KLK13: variants seen among roughly 807,000 people sequenced by gnomAD.
The protein encoded by KLK13 is kallikrein related peptidase 13, also known as kallikrein-13.
A neutral mutation model predicts 22.4 loss-of-function variants in KLK13; 19 were observed. The ratio of observed to expected loss-of-function variants is 0.85; its 90% CI spans 0.59 to 1.24. The LOEUF is 1.24. Among genes scored for constraint, KLK13 ranks in the 50% most tolerant of loss-of-function variants. The pLI is 0.00. For missense variants in KLK13, 311 were observed against 347.9 expected (o/e 0.89, Z 0.84); for synonymous variants, 156 against 141.8 (o/e 1.10, Z -0.71).
chr19:51,058,744 G>C (rs192688056), intron 3 of KLK13, 70 bp from the exon 4 acceptor site: 2 of 1,455,732 alleles, frequency 1.4e-6, no homozygotes, highest in Admixed American at 3.4e-5. Context: ...TGAAATAGGC[G>C]AGTTGAATGG....
chr19:51,065,023 C>G lies in KLK13; in HGVS notation c.45G>C (p.Leu15Phe). 1 of 1,550,574 alleles carries G rather than the reference C, an allele frequency of 6.4e-7. No individual in the cohort carries two copies. The highest frequency in any genetic ancestry group is 8.7e-7 in the Non-Finnish European group (1 of 1,146,354). The change falls in exon 1 of 5, where the codon TTG (leucine) becomes TTC (phenylalanine). Residue 15 changes from leucine (L) to phenylalanine (F), a missense_variant. Leu to Phe is a conservative substitution (Grantham distance 22, BLOSUM62 0). Coordinates refer to ENST00000595793, the MANE Select transcript of KLK13 (RefSeq NM_015596.3). Reference protein sequence around the residue: ...ALVIASLTLALSGGVSQESSK... With the variant: ...ALVIASLTLAFSGGVSQESSK... ...ACCCCCGCGCATTCTTACCTCCTGA[C>G]AAGGCCAAGGTCAGGGAGGCGATCA...
intron 3 of KLK13, 161 bp downstream of exon 3, chr19:51,059,664 A>T: frequency 2.6e-6 from 1 of 385,260 alleles, no homozygotes; most frequent in Non-Finnish European, 4.3e-6. Flanking sequence ...TCATGAATTT[A>T]TATTTATATA....
At chr19:51,060,806 G>T (rs1165303187) in intron 1 of KLK13, among the ~76,000 whole-genome samples, 187 bp from the exon 2 acceptor site, 2 of 152,146 alleles carry the variant, frequency 1.3e-5, no homozygotes, top group African/African-American at 4.8e-5. Context: ...GCAAAGGGGT[G>T]ACATTATTTT....
upstream of KLK13, among the ~76,000 whole-genome samples, chr19:51,065,675 T>A (rs1163460642): frequency 6.6e-6 from 1 of 151,132 alleles, no homozygotes; most frequent in Non-Finnish European, 1.5e-5. Flanking sequence ...AGCCGCCAGC[T>A]GTCTAGAACT....
chr19:51,060,079 T>C lies in KLK13; in HGVS notation c.254A>G (p.Tyr85Cys). ...AHCLKEGLKVYLGKHALGRVE... is the reference protein window; with the variant it reads ...AHCLKEGLKVCLGKHALGRVE... ...ACGCCCTAGGGCGTGCTTGCCTAGG[T>C]AAACTTTGAGCCCCCTGTGGGTGCA... The change falls in exon 3 of 5, where the codon TAC becomes TGC. Residue 85 changes from tyrosine to cysteine, a missense_variant. Transcript: ENST00000595793. 1 of 1,613,194 alleles carries C rather than the reference T, an allele frequency of 6.2e-7. No individual in the cohort carries two copies. The highest frequency in any genetic ancestry group is 8.5e-7 in the Non-Finnish European group (1 of 1,179,642).
chr19:51,063,278 G>A (rs2091746768), intron 1 of KLK13, among the ~76,000 whole-genome samples: 1 of 152,026 alleles, frequency 6.6e-6, no homozygotes, highest in African/African-American at 2.4e-5. Context: ...TCATTGTGCA[G>A]GATTTATTTC....
chr19:51,064,939 C>T (rs2122722198), intron 1 of KLK13, 77 bp downstream of exon 1: 2 of 1,267,970 alleles, frequency 1.6e-6, no homozygotes, highest in Non-Finnish European at 1.1e-6. Flanking sequence ...GGCTCCCACG[C>T]CCCCTCCCCC....
Position 51,056,430 on chromosome 19 carries a change from G to T in KLK13, c.*157C>A, listed in dbSNP as rs761574722. On this transcript the variant is annotated 3_prime_UTR_variant, in exon 5 of 5. Coordinates refer to ENST00000595793, the MANE Select transcript of KLK13 (RefSeq NM_015596.3). ...ACTGCAAGCCTGGCAGTGCCTGAAT[G>T]CTTCTGAAACATGGAATGTTAGCTG... 1.3e-6 allele frequency: 1 copy of T among 790,616 alleles called. No individual in the cohort carries two copies. Among genetic ancestry groups the T allele is most frequent in the Non-Finnish European group, 2.1e-6 (1 of 481,218 alleles). 49.0% of individuals were successfully genotyped at this position (790,616 alleles called of 1,614,324 possible).
chr19:51,063,501 C>T, intron 1 of KLK13: 1 of 361,392 alleles, frequency 2.8e-6, no homozygotes, highest in Non-Finnish European at 5.5e-6. Flanking sequence ...ACTCAGGCAT[C>T]GCCGGTGTCA....
rs775637429 is a variant in KLK13, at chr19:51,060,636, A to G, written c.53-17T>C. On this transcript the variant is annotated splice_polypyrimidine_tract_variant and intron_variant, in intron 1 of 4. Coordinates refer to ENST00000595793, the MANE Select transcript of KLK13 (RefSeq NM_015596.3). ...GGGAGACACCTGGTAAAGAAGAGAG[A>G]TTGTTAGAAAACTGGGATCCAGGGG... 6.4e-7 allele frequency: 1 copy of G among 1,561,898 alleles called. No homozygotes were observed. The highest frequency in any genetic ancestry group is 1.8e-5 in the Admixed American group (1 of 56,916).
intron 1 of KLK13, chr19:51,063,851 G>C (rs780870770): frequency 2.2e-6 from 1 of 463,198 alleles, no homozygotes; most frequent in Admixed American, 2.3e-5. Flanking sequence ...TTGGCTCCTT[G>C]AAGTCTTCAC....
chr19:51,056,538 T>A lies in KLK13; in HGVS notation c.*49A>T. ...GAGCAGAGAAGGGCTAAGCAGACCATGTGAGGAAGTCATGGTGACAGGATG... is the reference window on the plus strand; with the variant it reads ...GAGCAGAGAAGGGCTAAGCAGACCAAGTGAGGAAGTCATGGTGACAGGATG... On this transcript the variant is annotated 3_prime_UTR_variant, in exon 5 of 5. Coordinates refer to ENST00000595793, the MANE Select transcript of KLK13 (RefSeq NM_015596.3). 1 of 1,566,956 alleles carries A rather than the reference T, an allele frequency of 6.4e-7. No individual in the cohort carries two copies. Among genetic ancestry groups the A allele is most frequent in the Non-Finnish European group, 8.8e-7 (1 of 1,139,952 alleles).
Position 51,059,961 on chromosome 19 carries a change from G to A in KLK13, c.372C>T (p.Asp124=). The A allele has an allele frequency of 6.2e-7, 1 of 1,613,340 alleles. No individual in the cohort carries two copies. The highest frequency in any genetic ancestry group is 8.5e-7 in the Non-Finnish European group (1 of 1,179,540). ...GGGACTGCAGCTCCAGAAGCATGAT[G>A]TCATGGTCGTGGTTCAGGTGGGTGG... ...RSPTHLNHDH[D]IMLLELQSPV... The change falls in exon 3 of 5, where the codon GAC becomes GAT. Residue 124 remains aspartate (D), a synonymous_variant. Transcript: ENST00000595793.
At chr19:51,064,947 C>G in intron 1 of KLK13, 69 bp downstream of exon 1, 1 of 1,350,752 alleles carries the variant, frequency 7.4e-7, no homozygotes, top group Non-Finnish European at 1.0e-6. Flanking sequence ...CGCCCCCTCC[C>G]CCTCCGGCCT....
chr19:51,065,150 T>C, upstream of KLK13: 1 of 998,604 alleles, frequency 1.0e-6, no homozygotes, highest in South Asian at 1.7e-5. Context: ...GCCCGGAACC[T>C]CCGCGTCTGA....
At chr19:51,064,776 G>C (rs377086447) in intron 1 of KLK13, 3 of 630,604 alleles carry the variant, frequency 4.8e-6, no homozygotes, top group South Asian at 3.4e-5. Flanking sequence ...TTGAACGCGG[G>C]AGGGGCTGCT....
chr19:51,064,084 G>T (rs1323185361), intron 1 of KLK13, among the ~76,000 whole-genome samples: 1 of 152,148 alleles, frequency 6.6e-6, no homozygotes, highest in African/African-American at 2.4e-5. Context: ...AGATGGGAAA[G>T]ATCCATAAGG....
chr19:51,064,526 A>C (rs1257417704), intron 1 of KLK13: 1 of 424,634 alleles, frequency 2.4e-6, no homozygotes, highest in Non-Finnish European at 4.6e-6. Flanking sequence ...ACTACTAATA[A>C]AGTAATAACG....
Position 51,055,973 on chromosome 19 carries a change from G to C in KLK13, c.*614C>G, listed in dbSNP as rs1003616539. 6.6e-6 allele frequency among the ~76,000 whole-genome samples: 1 copy of C among 152,184 alleles called. No homozygotes were observed. Among genetic ancestry groups the C allele is most frequent in the Non-Finnish European group, 1.5e-5 (1 of 68,038 alleles). On this transcript the variant is annotated 3_prime_UTR_variant, in exon 5 of 5. Coordinates refer to ENST00000595793, the MANE Select transcript of KLK13 (RefSeq NM_015596.3). ...TTGGAAGAATGTGGGATGTAGGTTG[G>C]GTTGGGACTTCTGAGACACCCATAA...
Sources: gnomAD v4.1 joint callset for allele counts (sites outside exome capture counted in the v4.1 genomes callset) on GRCh38, gnomAD v4.1.1 for gene constraint, MANE v1.5 for transcripts, NCBI Gene and HGNC (gene_info 2026-07-23, HGNC 2026-07-21) for gene names.